Variants in SGK1 observed in about 807,000 individuals in gnomAD.
The protein encoded by SGK1 is serine/threonine-protein kinase Sgk1.
In SGK1, 26 loss-of-function variants were observed where a neutral mutation model predicts 64.2. That is an observed-to-expected ratio of 0.40 (90% CI 0.30 to 0.56). SGK1 has a LOEUF of 0.56. SGK1 is among the 20% of genes least tolerant of loss of function. The pLI is 0.38. For synonymous variants in SGK1, 265 were observed against 239.7 expected (o/e 1.11, Z -0.98); for missense variants, 519 against 645.6 (o/e 0.80, Z 2.12).
At chr6:134,302,433 A>G (rs1777472543) in intron 1 of SGK1, among the ~76,000 whole-genome samples, 1 of 152,202 alleles carries the variant, frequency 6.6e-6, no homozygotes, top group Non-Finnish European at 1.5e-5. Flanking sequence ...AGAAACAACT[A>G]AATAACTAAA....
At chr6:134,297,363 G>T in intron 1 of SGK1, 1 of 920,190 alleles carries the variant, frequency 1.1e-6, no homozygotes, top group South Asian at 1.3e-5. Flanking sequence ...CTCCAGCTCA[G>T]ACAGCTTGGC....
chr6:134,282,658 A>T (rs879562143), intron 1 of SGK1, among the ~76,000 whole-genome samples: 2 of 151,548 alleles, frequency 1.3e-5, no homozygotes, highest in Admixed American at 6.6e-5. Context: ...ATCTCAAAAA[A>T]AAAAATAAAA....
At chr6:134,285,933 G>T (rs1206356256) in intron 1 of SGK1, among the ~76,000 whole-genome samples, 1 of 152,238 alleles carries the variant, frequency 6.6e-6, no homozygotes, top group East Asian at 1.9e-4. Context: ...CTTCCAAGGT[G>T]GACTGTCCCA....
chr6:134,190,767 T>C (rs1357968868), intron 3 of SGK1, among the ~76,000 whole-genome samples: 1 of 152,224 alleles, frequency 6.6e-6, no homozygotes, highest in East Asian at 1.9e-4. Context: ...TGTTAAAGAA[T>C]TAATATTACA....
chr6:134,250,004 C>T (rs1337712584), intron 2 of SGK1, among the ~76,000 whole-genome samples: 2 of 152,172 alleles, frequency 1.3e-5, no homozygotes, highest in African/African-American at 2.4e-5. Context: ...AGCTACCTAT[C>T]TGCTACTCAT....
intron 1 of SGK1, among the ~76,000 whole-genome samples, chr6:134,312,775 ATT>A: frequency 6.7e-6 from 1 of 149,448 alleles, no homozygotes; most frequent in African/African-American, 2.4e-5. Flanking sequence ...ATATATGATA[ATT>A]TTTTTTTTTC....
intron 11 of SGK1, 50 bp downstream of exon 11, chr6:134,171,586 CA>C: frequency 7.6e-7 from 1 of 1,313,724 alleles, no homozygotes; most frequent in Non-Finnish European, 1.1e-6. Context: ...TGTGTGAAGG[CA>C]ATATTGTAGG....
intron 3 of SGK1, among the ~76,000 whole-genome samples, chr6:134,175,392 G>C (rs1054451779): frequency 6.6e-6 from 1 of 151,984 alleles, no homozygotes; most frequent in Admixed American, 6.5e-5. Context: ...TCCCTGGGGC[G>C]CAGGCCTGCG....
At chr6:134,305,295 G>T (rs754092392) in intron 1 of SGK1, among the ~76,000 whole-genome samples, 1 of 145,810 alleles carries the variant, frequency 6.9e-6, no homozygotes, top group Non-Finnish European at 1.5e-5. Context: ...AGAGGCGGAG[G>T]TTGCAGTGAA....
At chr6:134,232,217 C>T (rs1333966628) in intron 2 of SGK1, among the ~76,000 whole-genome samples, 4 of 150,298 alleles carry the variant, frequency 2.7e-5, no homozygotes, top group Non-Finnish European at 5.9e-5. Flanking sequence ...GAAACCCCAT[C>T]TCTAGTAAAT....
At chr6:134,205,870 C>G (rs1283856531) in intron 3 of SGK1, among the ~76,000 whole-genome samples, 1 of 152,112 alleles carries the variant, frequency 6.6e-6, no homozygotes, top group Non-Finnish European at 1.5e-5. Flanking sequence ...GGTGAAAGCT[C>G]TATTATCACT....
chr6:134,194,380 C>T (rs1177113556), intron 3 of SGK1, among the ~76,000 whole-genome samples: 4 of 152,106 alleles, frequency 2.6e-5, no homozygotes, highest in Non-Finnish European at 5.9e-5. Context: ...ACCTCACTTC[C>T]AGTTCTGTCT....
At chr6:134,291,339 G>A (rs547590706) in intron 1 of SGK1, among the ~76,000 whole-genome samples, 4 of 152,224 alleles carry the variant, frequency 2.6e-5, no homozygotes, top group Non-Finnish European at 2.9e-5. Context: ...CCAACAGACC[G>A]GACTAAAAAT....
intron 2 of SGK1, among the ~76,000 whole-genome samples, chr6:134,257,615 C>T (rs1175236221): frequency 6.6e-6 from 1 of 151,924 alleles, no homozygotes; most frequent in African/African-American, 2.4e-5. Context: ...TCATTAAATG[C>T]CAAGCATAGG....
At chr6:134,264,340 C>G (rs183099891) in intron 1 of SGK1, among the ~76,000 whole-genome samples, 2 of 151,922 alleles carry the variant, frequency 1.3e-5, no homozygotes, top group African/African-American at 4.8e-5. Flanking sequence ...AGGATGGTCT[C>G]GATCTCCTGA....
Position 134,297,043 on chromosome 6 carries a change from G to A in SGK1, c.69+20349C>T, listed in dbSNP as rs181404122. ...GACTTGGACACCAGCTTCCCATTGCGGGTCTCGATCTTCTTCACAACCACA... is the reference window on the plus strand; with the variant it reads ...GACTTGGACACCAGCTTCCCATTGCAGGTCTCGATCTTCTTCACAACCACA... On this transcript the variant is annotated intron_variant, in intron 1 of 13. Transcript: ENST00000367858. 6.9e-4 allele frequency: 310 copies of A among 446,886 alleles called. 3 individuals are homozygous for A. The highest frequency in any genetic ancestry group is 4.6e-3 in the African/African-American group (228 of 49,578). The allele number at this position is 446,886 out of a possible 1,614,324, so 27.7% of individuals were successfully genotyped here.
chr6:134,231,773 C>T (rs1030998507), intron 2 of SGK1, among the ~76,000 whole-genome samples: 4 of 152,160 alleles, frequency 2.6e-5, no homozygotes, highest in Non-Finnish European at 5.9e-5. Flanking sequence ...GGTGTGGTGG[C>T]TCACACCTGT....
chr6:134,288,252 A>G (rs7766493), intron 1 of SGK1, among the ~76,000 whole-genome samples: 18,294 of 152,250 alleles, frequency 0.12, 1,532 homozygotes, highest in African/African-American at 0.24. Context: ...AAACTTCAGT[A>G]GCAATCTGAC....
At chr6:134,284,506 G>C (rs1267044225) in intron 1 of SGK1, among the ~76,000 whole-genome samples, 4 of 126,162 alleles carry the variant, frequency 3.2e-5, no homozygotes, top group Admixed American at 2.6e-4. Context: ...TTTTTTTTGA[G>C]ATAGAGTCTC....
Sources: gnomAD v4.1 joint callset for allele counts (sites outside exome capture counted in the v4.1 genomes callset) on GRCh38, gnomAD v4.1.1 for gene constraint, MANE v1.5 for transcripts, NCBI Gene and HGNC (gene_info 2026-07-23, HGNC 2026-07-21) for gene names.